RCBTB2: variants seen among roughly 807,000 people sequenced by gnomAD.
The protein encoded by RCBTB2 is RCC1 and BTB domain-containing protein 2.
RCBTB2 carries 55 observed loss-of-function variants against 65.4 expected under a neutral mutation model. The ratio of observed to expected loss-of-function variants is 0.84; its 90% CI spans 0.68 to 1.05. The LOEUF (loss-of-function observed/expected upper bound fraction) is 1.05, where lower values mean the gene tolerates loss of function less well. Among genes scored for constraint, RCBTB2 ranks in the 50% least tolerant of loss-of-function variants. RCBTB2 has a pLI of 0.00. For synonymous variants in RCBTB2, 220 were observed against 255.2 expected, an observed-to-expected ratio of 0.86 and a Z score of 1.31; for missense variants, 599 against 680.1, an observed-to-expected ratio of 0.88 and a Z score of 1.33.
chr13:48,499,347 G>A (rs965869688), intron 13 of RCBTB2, among the ~76,000 whole-genome samples: 2 of 152,118 alleles, frequency 1.3e-5, no homozygotes, highest in African/African-American at 4.8e-5. Flanking sequence ...GTGGAGACAC[G>A]GGGATCTGCT....
Position 48,499,669 on chromosome 13 carries a change from C to A in RCBTB2, c.1336G>T (p.Glu446Ter). 1.9e-6 allele frequency: 3 copies of A among 1,614,146 alleles called. No individual in the cohort carries two copies. The South Asian group carries it at 3.3e-5, about 18-fold the overall frequency. Residue 446 changes from glutamate to a stop codon, truncating the protein, a stop_gained, in exon 13 of 15, where the codon GAA becomes TAA. Transcript: ENST00000344532. LOFTEE classifies it high-confidence loss of function. ...FSYPVYRAFL[E>*]YLYTDSISLS... ...CTGATGCTGTCTGTGTATAGGTATT[C>A]CAGGAAGGCCCGGTAAACAGGATAT...
chr13:48,510,532 C>T, intron 10 of RCBTB2, 97 bp downstream of exon 10: 1 of 1,326,578 alleles, frequency 7.5e-7, no homozygotes, highest in Non-Finnish European at 1.0e-6. Context: ...TATTCTAACA[C>T]TAGCAGTACA....
intron 10 of RCBTB2, among the ~76,000 whole-genome samples, chr13:48,503,814 G>C (rs1950361901): frequency 6.6e-6 from 1 of 152,214 alleles, no homozygotes; most frequent in South Asian, 2.1e-4. Flanking sequence ...CTCCCAGAGT[G>C]CTGGGATTAC....
chr13:48,499,811 T>C (rs1347985955), intron 12 of RCBTB2, 51 bp from the exon 13 acceptor site: 1 of 1,607,548 alleles, frequency 6.2e-7, no homozygotes, highest in South Asian at 1.1e-5. Context: ...CCAGGACAGA[T>C]GGCCTCTGTG....
In RCBTB2 at chr13:48,515,592, AT is replaced by A. The variant is rs1382051042; in HGVS notation, c.191del (p.Asn64MetfsTer17). ...AGNEVLYTTV[N>X]DEIFVLGTNC... ...TTATTTTCTTCAAAATTACCTCATC[AT>A]TTACTGTAGTGTATAAAACTTCATT... is the stretch of plus-strand genomic sequence containing the variant. On this transcript the variant is annotated frameshift_variant, in exon 5 of 15. Transcript: ENST00000344532. LOFTEE classifies it high-confidence loss of function. 1.9e-6 allele frequency: 3 copies of A among 1,590,812 alleles called. No homozygotes were observed. The highest frequency in any genetic ancestry group is 1.7e-6 in the Non-Finnish European group (2 of 1,173,136).
At chr13:48,513,505 T>C (rs577326706) in intron 6 of RCBTB2, among the ~76,000 whole-genome samples, 10 of 152,336 alleles carry the variant, frequency 6.6e-5, no homozygotes, top group Non-Finnish European at 1.5e-4. Flanking sequence ...TGTACTCATT[T>C]CATCTGTATT....
At chr13:48,530,773 T>C (rs1952070747) in intron 1 of RCBTB2, among the ~76,000 whole-genome samples, 1 of 152,268 alleles carries the variant, frequency 6.6e-6, no homozygotes, top group Non-Finnish European at 1.5e-5. Context: ...TCATTTGATG[T>C]GCTAAGTTAA....
At position 48,496,272 on chromosome 13, in the gene RCBTB2, G is replaced by A. The variant is rs151336600; in HGVS notation, c.1434C>T (p.Leu478=). ...TFYRENRLKK[L]CQQTIKQGIC... The stretch of plus-strand genomic sequence containing the variant: ...TGCCTTGCTTGATAGTTTGTTGGCA[G>A]AGCTTTTTCAAACGATTTTCTCTAT... Residue 478 remains leucine, a synonymous_variant, in exon 14 of 15, where the codon CTC becomes CTT. Transcript: ENST00000344532. The A allele has an allele frequency of 6.3e-7, 1 of 1,592,818 alleles. No individual in the cohort carries two copies. Among genetic ancestry groups the A allele is most frequent in the African/African-American group, 1.4e-5 (1 of 73,984 alleles).
intron 13 of RCBTB2, among the ~76,000 whole-genome samples, chr13:48,497,754 T>C (rs1950044232): frequency 6.6e-6 from 1 of 152,234 alleles, no homozygotes; most frequent in Non-Finnish European, 1.5e-5. Flanking sequence ...AGACTTTGGT[T>C]GGAAACTTGC....
At chr13:48,499,571 T>G in intron 13 of RCBTB2, 50 bp downstream of exon 13, 1 of 1,593,974 alleles carries the variant, frequency 6.3e-7, no homozygotes, top group Non-Finnish European at 8.6e-7. Context: ...GAAACCACCT[T>G]GTCAGTTCCT....
chr13:48,526,459 C>T (rs893154493), intron 1 of RCBTB2, among the ~76,000 whole-genome samples: 1 of 151,778 alleles, frequency 6.6e-6, no homozygotes, highest in African/African-American at 2.4e-5. Flanking sequence ...TCGCTTGAAC[C>T]CAGGATGTGG....
chr13:48,496,621 C>G (rs1949983413), intron 13 of RCBTB2, among the ~76,000 whole-genome samples: 2 of 151,384 alleles, frequency 1.3e-5, no homozygotes, highest in Non-Finnish European at 2.9e-5. Context: ...GACCCCTTCC[C>G]CTGCAATCTC....
chr13:48,511,700 T>C, intron 9 of RCBTB2, 70 bp downstream of exon 9: 1 of 1,316,206 alleles, frequency 7.6e-7, no homozygotes, highest in South Asian at 1.4e-5. Flanking sequence ...AAATCTATGT[T>C]TTTAATACAT....
chr13:48,502,021 A>C (rs1950259016), intron 11 of RCBTB2, among the ~76,000 whole-genome samples, 153 bp from the exon 12 acceptor site: 1 of 152,216 alleles, frequency 6.6e-6, no homozygotes, highest in Non-Finnish European at 1.5e-5. Flanking sequence ...CTGAAGACAG[A>C]TTTGCATCTC....
chr13:48,520,821 C>T (rs9331971), intron 4 of RCBTB2, among the ~76,000 whole-genome samples: 2,547 of 151,076 alleles, frequency 0.017, 36 homozygotes, highest in Middle Eastern at 0.041. Flanking sequence ...ATCAAAATTA[C>T]GTTAGGCATA....
intron 9 of RCBTB2, among the ~76,000 whole-genome samples, chr13:48,511,297 TATACA>T (rs1178904745): frequency 6.6e-5 from 10 of 152,344 alleles, no homozygotes; most frequent in South Asian, 2.1e-4. Flanking sequence ...AAATTCTTTG[TATACA>T]ATACATCATC....
intron 1 of RCBTB2, among the ~76,000 whole-genome samples, chr13:48,525,724 T>G (rs1049230680): frequency 2.0e-5 from 3 of 151,808 alleles, no homozygotes; most frequent in African/African-American, 7.3e-5. Flanking sequence ...ACCAATAAAC[T>G]GTGGCATATG....
At chr13:48,508,820 C>T (rs1398983968) in intron 10 of RCBTB2, among the ~76,000 whole-genome samples, 1 of 152,206 alleles carries the variant, frequency 6.6e-6, no homozygotes, top group Non-Finnish European at 1.5e-5. Flanking sequence ...CTTCCATTCC[C>T]ATTACCTGCT....
chr13:48,494,486 C>T (rs1031183900), intron 14 of RCBTB2, among the ~76,000 whole-genome samples: 1 of 152,186 alleles, frequency 6.6e-6, no homozygotes, highest in Non-Finnish European at 1.5e-5. Context: ...TAGGTACCTA[C>T]TCTGTGTCAG....
Sources: gnomAD v4.1 joint callset for allele counts (sites outside exome capture counted in the v4.1 genomes callset) on GRCh38, gnomAD v4.1.1 for gene constraint, MANE v1.5 for transcripts, NCBI Gene and HGNC (gene_info 2026-07-23, HGNC 2026-07-21) for gene names.